AKAP13: variants seen among roughly 807,000 people sequenced by gnomAD.
AKAP13 encodes A-kinase anchor protein 13.
In AKAP13, 80 loss-of-function variants were observed where a neutral mutation model predicts 264.5. The ratio of observed to expected loss-of-function variants is 0.30; its 90% CI spans 0.25 to 0.36. The LOEUF (loss-of-function observed/expected upper bound fraction) is 0.36. AKAP13 is among the 10% of genes least tolerant of loss of function. The pLI, the probability that AKAP13 is intolerant of heterozygous loss-of-function variation, is 1.00. For missense variants in AKAP13, 3,712 were observed against 3,435.2 expected (o/e 1.08, Z -2.01); for synonymous variants, 1,380 against 1,250.2 (o/e 1.10, Z -2.19).
rs546455581 is a variant in AKAP13 at position 85,663,391 on chromosome 15, T to C, written c.4800-1172T>C. On this transcript the variant is annotated intron_variant, in intron 12 of 36. Transcript: ENST00000394518. ...GTAGTTAGTCATGATTTCTATTATATTGAAGAAAAACATATCCATTGTTTA... is the reference window on the plus strand; with the variant it reads ...GTAGTTAGTCATGATTTCTATTATACTGAAGAAAAACATATCCATTGTTTA... Among the ~76,000 whole-genome samples, 8 of 152,236 alleles carry C rather than the reference T, an allele frequency of 5.3e-5. No individual in the cohort carries two copies. In the South Asian group the frequency reaches 8.3e-4, roughly 16 times the overall value.
intron 2 of AKAP13, among the ~76,000 whole-genome samples, chr15:85,500,352 G>C (rs919406964): frequency 2.6e-5 from 4 of 152,082 alleles, no homozygotes; most frequent in African/African-American, 9.7e-5. Flanking sequence ...TCATTTTATT[G>C]GTCTGACAAA....
chr15:85,499,788 C>T (rs1177728540), intron 2 of AKAP13, among the ~76,000 whole-genome samples: 2 of 152,136 alleles, frequency 1.3e-5, no homozygotes, highest in Admixed American at 6.5e-5. Flanking sequence ...TCCTATGCCC[C>T]GGCTACTCTG....
intron 8 of AKAP13, among the ~76,000 whole-genome samples, chr15:85,615,016 CT>C (rs916471576): frequency 6.6e-6 from 1 of 152,196 alleles, no homozygotes; most frequent in African/African-American, 2.4e-5. Flanking sequence ...TTCCTCCCTC[CT>C]TTTATTTCAC....
chr15:85,681,544 A>G (rs1307437753), intron 14 of AKAP13, among the ~76,000 whole-genome samples: 2 of 152,058 alleles, frequency 1.3e-5, no homozygotes, highest in East Asian at 1.9e-4. Context: ...TTTTATCTCT[A>G]TTAGCCTGGA....
Position 85,718,910 on chromosome 15 carries a change from A to C in AKAP13, c.6002-166A>C. The C allele has an allele frequency of 1.0e-6, 1 of 1,001,472 alleles. No homozygotes were observed. The highest frequency in any genetic ancestry group is 1.4e-6 in the Non-Finnish European group (1 of 708,042). 62.0% of individuals were successfully genotyped at this position (1,001,472 alleles called of 1,614,324 possible). A position where few individuals can be genotyped will look rare whatever the true frequency, so the allele number is the denominator to read the frequency against. On this transcript the variant is annotated intron_variant, in intron 22 of 36. Coordinates refer to ENST00000394518, the MANE Select transcript of AKAP13 (RefSeq NM_007200.5). The surrounding 1 kb of genome is among the most constrained non-coding windows in gnomAD (Gnocchi z 4.9). ...CCAGAACCTGTCTTAAAAAAAAAAC[A>C]AAAAAACAAAAAAACGAGAACACTT...
intron 2 of AKAP13, among the ~76,000 whole-genome samples, chr15:85,504,579 C>T (rs1333087897): frequency 7.0e-6 from 1 of 142,680 alleles, no homozygotes; most frequent in East Asian, 2.2e-4. Context: ...ATAGTCCCAG[C>T]TATTTGGGAG....
At chr15:85,469,135 G>T (rs1453060592) in intron 1 of AKAP13, among the ~76,000 whole-genome samples, 3 of 139,798 alleles carry the variant, frequency 2.1e-5, no homozygotes, top group African/African-American at 8.6e-5. Context: ...GGCTGGTCTT[G>T]AACTCCTGAC....
chr15:85,657,896 A>G (rs769167974), intron 11 of AKAP13, among the ~76,000 whole-genome samples: 4 of 152,032 alleles, frequency 2.6e-5, no homozygotes, highest in African/African-American at 9.7e-5. Flanking sequence ...ATAATCCACT[A>G]TGGGTTCCTT....
At position 85,646,023 on chromosome 15, in the gene AKAP13, CTT is replaced by C. The variant is rs2082544281; in HGVS notation, c.4374+72_4374+73del. 4 of 1,555,164 alleles carry C rather than the reference CTT, an allele frequency of 2.6e-6. 1 individual carries two copies. The Admixed American group carries it at 7.7e-5, about 30-fold the overall frequency. ...TGTTCCTATTTGGGCTTCCCAAACT[CTT>C]TTCCAACTTTTTCCCCCTCTTGTGC... On this transcript the variant is annotated intron_variant, in intron 10 of 36. Coordinates refer to ENST00000394518, the MANE Select transcript of AKAP13 (RefSeq NM_007200.5).
rs768411504 is a variant in AKAP13 at position 85,719,097 on chromosome 15, A to G, written c.6023A>G (p.His2008Arg). 5.6e-6 allele frequency: 9 copies of G among 1,613,970 alleles called. No individual in the cohort carries two copies. The highest frequency in any genetic ancestry group is 1.7e-5 in the Admixed American group (1 of 59,980). Residue 2008 changes from histidine (H) to arginine (R), a missense_variant, in exon 23 of 37, where the codon CAT becomes CGT. His to Arg is a conservative substitution (Grantham distance 29). Transcript: ENST00000394518. Reference sequence around the variant, plus strand: ...TTAGAGTTGATGCAGACAGAGTTTCATCATGTCCGCACTCTCAAGATCATG... The same window carrying G: ...TTAGAGTTGATGCAGACAGAGTTTCGTCATGTCCGCACTCTCAAGATCATG... ...VIYELMQTEF[H>R]HVRTLKIMSG...
chr15:85,526,340 G>A (rs2077041796), intron 3 of AKAP13, among the ~76,000 whole-genome samples: 1 of 151,914 alleles, frequency 6.6e-6, no homozygotes, highest in South Asian at 2.1e-4. Flanking sequence ...GATCATTGCA[G>A]GCTTGACTTC....
At chr15:85,659,717 A>T (rs1245585720) in intron 12 of AKAP13, among the ~76,000 whole-genome samples, 1 of 123,554 alleles carries the variant, frequency 8.1e-6, no homozygotes, top group Non-Finnish European at 1.9e-5. Context: ...ATGCAGTCTG[A>T]GTTAGTGTAT....
chr15:85,466,439 C>T (rs904260255), intron 1 of AKAP13, among the ~76,000 whole-genome samples: 89 of 152,142 alleles, frequency 5.8e-4, no homozygotes, highest in African/African-American at 2.1e-3. Context: ...ATGCCTATGT[C>T]CTGAATGGTA....
At chr15:85,387,813 GTGT>G (rs1194170479) in intron 1 of AKAP13, among the ~76,000 whole-genome samples, 2 of 152,096 alleles carry the variant, frequency 1.3e-5, no homozygotes, top group African/African-American at 4.8e-5. Context: ...ATGTATTCTG[GTGT>G]TGTTGTGAAT....
chr15:85,725,894 C>A (rs975363958), intron 26 of AKAP13, among the ~76,000 whole-genome samples: 17 of 152,190 alleles, frequency 1.1e-4, no homozygotes, highest in African/African-American at 4.1e-4. Flanking sequence ...ACTCTTTGTT[C>A]TTTTGAGGGC....
chr15:85,441,533 T>C (rs990239489), intron 1 of AKAP13, among the ~76,000 whole-genome samples: 1 of 152,196 alleles, frequency 6.6e-6, no homozygotes, highest in Non-Finnish European at 1.5e-5. Context: ...CATGTTTTCT[T>C]TTATGGATCA....
Position 85,747,596 on chromosome 15 carries a change from C to T in AKAP13, c.*2919C>T, listed in dbSNP as rs983554304. 3 of 152,632 alleles carry T rather than the reference C, an allele frequency of 2.0e-5. No homozygotes were observed. The highest frequency in any genetic ancestry group is 4.8e-5 in the African/African-American group (2 of 41,448). 9.5% of individuals were successfully genotyped at this position (152,632 alleles called of 1,614,324 possible). A position where few individuals can be genotyped will look rare whatever the true frequency, so the allele number is the denominator to read the frequency against. On this transcript the variant is annotated 3_prime_UTR_variant, in exon 37 of 37. Coordinates refer to ENST00000394518, the MANE Select transcript of AKAP13 (RefSeq NM_007200.5). ...CGTCTTCTCTCAATTCCAGTCATCT[C>T]AGTCGTTGTCGTTAGGTGACATGTG...
chr15:85,534,128 T>G (rs1410630466), intron 4 of AKAP13: 2 of 444,698 alleles, frequency 4.5e-6, no homozygotes, highest in Non-Finnish European at 7.9e-6. Flanking sequence ...CACCTTCCTG[T>G]GGGTCTGGAT....
At chr15:85,396,860 A>G (rs1246885997) in intron 1 of AKAP13, among the ~76,000 whole-genome samples, 1 of 148,386 alleles carries the variant, frequency 6.7e-6, no homozygotes, top group Non-Finnish European at 1.5e-5. Flanking sequence ...TGCACAAATT[A>G]CTGATCTGTG....
Sources: gnomAD v4.1 joint callset for allele counts (sites outside exome capture counted in the v4.1 genomes callset) on GRCh38, gnomAD v4.1.1 for gene constraint, Gnocchi (gnomAD v3.1) non-coding constraint, MANE v1.5 for transcripts, NCBI Gene and HGNC (gene_info 2026-07-23, HGNC 2026-07-21) for gene names.